The following PTPN14 variants were observed in gnomAD, a reference collection of about 807,000 sequenced individuals.
The protein encoded by PTPN14 is protein tyrosine phosphatase non-receptor type 14, also known as tyrosine-protein phosphatase non-receptor type 14.
Under a neutral mutation model 126.8 loss-of-function variants are expected in PTPN14, and 53 were observed. That is an observed-to-expected ratio of 0.42 (90% CI 0.34 to 0.53). PTPN14 has a LOEUF of 0.53. Ranked by LOEUF, PTPN14 falls within the 20% of genes least tolerant of loss-of-function variation. The pLI, the probability that PTPN14 is intolerant of heterozygous loss-of-function variation, is 0.08. For synonymous variants in PTPN14, 630 were observed against 599.3 expected (o/e 1.05, Z -0.75); for missense variants, 1,257 against 1,552.9 (o/e 0.81, Z 3.20).
Position 214,464,824 on chromosome 1 carries a change from C to T in PTPN14, c.-21G>A, listed in dbSNP as rs374375933. The T allele has an allele frequency of 6.1e-5, 99 of 1,610,908 alleles. No homozygotes were observed. In the African/African-American group the frequency reaches 8.8e-4, roughly 14 times the overall value. ...GGCATGGCTATGTGGTCCTCGGACGCCGCCCGCCTATCCTGGCGCACACGC... is the reference window on the plus strand; with the variant it reads ...GGCATGGCTATGTGGTCCTCGGACGTCGCCCGCCTATCCTGGCGCACACGC... On this transcript the variant is annotated 5_prime_UTR_variant, in exon 2 of 19. Coordinates refer to ENST00000366956, the MANE Select transcript of PTPN14 (RefSeq NM_005401.5).
intron 1 of PTPN14, among the ~76,000 whole-genome samples, chr1:214,546,960 C>T (rs547994025): frequency 3.3e-5 from 5 of 151,920 alleles, no homozygotes; most frequent in Non-Finnish European, 7.4e-5. Context: ...ACAGAACCAA[C>T]AGGAAAAAGG....
At chr1:214,511,698 G>A (rs1654978008) in intron 1 of PTPN14, among the ~76,000 whole-genome samples, 1 of 152,148 alleles carries the variant, frequency 6.6e-6, no homozygotes, top group Non-Finnish European at 1.5e-5. Flanking sequence ...TTAAAACAGA[G>A]TCTTGAAGAG....
chr1:214,465,679 T>G (rs527596799), intron 1 of PTPN14, among the ~76,000 whole-genome samples: 75 of 152,118 alleles, frequency 4.9e-4, no homozygotes, highest in Non-Finnish European at 7.6e-4. Flanking sequence ...AACACTGGTG[T>G]TTTGTTTTTT....
At chr1:214,542,432 G>A (rs1655862472) in intron 1 of PTPN14, among the ~76,000 whole-genome samples, 1 of 152,224 alleles carries the variant, frequency 6.6e-6, no homozygotes, top group African/African-American at 2.4e-5. Flanking sequence ...GCCTCACAGG[G>A]CATTCTTGGG....
At chr1:214,538,519 A>G (rs1474707786) in intron 1 of PTPN14, among the ~76,000 whole-genome samples, 1 of 152,260 alleles carries the variant, frequency 6.6e-6, no homozygotes, top group Non-Finnish European at 1.5e-5. Context: ...GATGAAGAGA[A>G]TACTGAGCAA....
chr1:214,523,821 C>A (rs1655320902), intron 1 of PTPN14, among the ~76,000 whole-genome samples: 1 of 150,250 alleles, frequency 6.7e-6, no homozygotes, highest in South Asian at 2.1e-4. Context: ...TATTTTTGCA[C>A]TGAAATAGTA....
intron 2 of PTPN14, among the ~76,000 whole-genome samples, chr1:214,453,575 A>AAGGCACATGG (rs146570036): frequency 6.6e-6 from 1 of 151,988 alleles, no homozygotes; most frequent in South Asian, 2.1e-4. Context: ...TAACTACATC[A>AAGGCACATGG]TAAGTGGTAC....
intron 10 of PTPN14, 30 bp from the exon 11 acceptor site, chr1:214,391,075 G>T (rs1047503634): frequency 2.0e-6 from 3 of 1,501,420 alleles, no homozygotes; most frequent in African/African-American, 1.4e-5. Context: ...AATGAGAATG[G>T]TTATTATTAT....
chr1:214,538,556 A>G (rs56662203), intron 1 of PTPN14, among the ~76,000 whole-genome samples: 2,578 of 152,340 alleles, frequency 0.017, 25 homozygotes, highest in South Asian at 0.03. Flanking sequence ...TAAAGAGGCC[A>G]TGGTGGAGAA....
intron 4 of PTPN14, among the ~76,000 whole-genome samples, chr1:214,413,787 G>A (rs1659362257): frequency 6.6e-6 from 1 of 152,138 alleles, no homozygotes; most frequent in Non-Finnish European, 1.5e-5. Context: ...TCGTGCTCCA[G>A]CCTCCTGAGT....
chr1:214,435,688 C>G (rs1659896390), intron 3 of PTPN14, among the ~76,000 whole-genome samples: 1 of 152,078 alleles, frequency 6.6e-6, no homozygotes, highest in Non-Finnish European at 1.5e-5. Context: ...CAAATCAAAA[C>G]CACCATGAGG....
intron 1 of PTPN14, among the ~76,000 whole-genome samples, chr1:214,496,492 C>T (rs1423218890): frequency 6.6e-6 from 1 of 152,202 alleles, no homozygotes; most frequent in African/African-American, 2.4e-5. Context: ...ACCTGCCCTG[C>T]TCCCCAAACT....
intron 10 of PTPN14, among the ~76,000 whole-genome samples, 172 bp from the exon 11 acceptor site, chr1:214,391,217 TTTTC>T (rs936741083): frequency 1.3e-5 from 2 of 152,120 alleles, no homozygotes; most frequent in African/African-American, 2.4e-5. Context: ...TTTGCTTTGT[TTTTC>T]TTTATTTTCA....
At chr1:214,481,881 G>T (rs1263139099) in intron 1 of PTPN14, among the ~76,000 whole-genome samples, 1 of 151,912 alleles carries the variant, frequency 6.6e-6, no homozygotes, top group African/African-American at 2.4e-5. Flanking sequence ...CAGCTACTTG[G>T]GAGGCTGAGG....
intron 10 of PTPN14, among the ~76,000 whole-genome samples, chr1:214,392,759 C>G (rs1658786973): frequency 6.6e-6 from 1 of 152,182 alleles, no homozygotes; most frequent in East Asian, 1.9e-4. Flanking sequence ...CAGACCCCGA[C>G]AGTGACCAAT....
Position 214,383,566 on chromosome 1 carries a change from A to G in PTPN14, c.2289T>C (p.Ala763=). ...PGPRKSVSNG[A]LRQDQASLPP... ...GAAGGCTGGCTTGGTCCTGCCTCAGAGCCCCATTGCTCACACTCTTCCTTG... is the reference window on the plus strand; with the variant it reads ...GAAGGCTGGCTTGGTCCTGCCTCAGGGCCCCATTGCTCACACTCTTCCTTG... The change falls in exon 13 of 19, where the codon GCT becomes GCC. Residue 763 remains alanine (A), a synonymous_variant. Transcript: ENST00000366956. This position sits in a 1 kb window ranked among gnomAD's most constrained non-coding sequence, Gnocchi z 4.4. 1 of 1,613,732 alleles carries G rather than the reference A, an allele frequency of 6.2e-7. No homozygotes were observed. Among genetic ancestry groups the G allele is most frequent in the Non-Finnish European group, 8.5e-7 (1 of 1,179,936 alleles).
At chr1:214,522,776 A>G (rs1046384313) in intron 1 of PTPN14, among the ~76,000 whole-genome samples, 2 of 152,242 alleles carry the variant, frequency 1.3e-5, no homozygotes, top group Admixed American at 1.3e-4. Context: ...AGCTTTACTT[A>G]TAAACAAAAG....
At chr1:214,380,974 A>G (rs577928635) in intron 13 of PTPN14, among the ~76,000 whole-genome samples, 5 of 152,286 alleles carry the variant, frequency 3.3e-5, no homozygotes, top group South Asian at 4.1e-4. Context: ...TTGGGGGAAA[A>G]AAAAATCAAC....
intron 5 of PTPN14, among the ~76,000 whole-genome samples, chr1:214,409,726 A>C (rs554034911): frequency 0.017 from 2,588 of 151,300 alleles, 83 homozygotes; most frequent in African/African-American, 0.059. Flanking sequence ...CTCATGCTCA[A>C]TACTCCTCAT....
Sources: gnomAD v4.1 joint callset for allele counts (sites outside exome capture counted in the v4.1 genomes callset) on GRCh38, gnomAD v4.1.1 for gene constraint, Gnocchi (gnomAD v3.1) non-coding constraint, MANE v1.5 for transcripts, NCBI Gene and HGNC (gene_info 2026-07-23, HGNC 2026-07-21) for gene names.